The following SPON1 variants were observed in gnomAD, a reference collection of about 807,000 sequenced individuals.
The protein encoded by SPON1 is spondin 1.
Under a neutral mutation model 111.7 loss-of-function variants are expected in SPON1, and 52 were observed. The observed-to-expected ratio is 0.47, with a 90% CI of 0.37 to 0.59. SPON1 has a LOEUF of 0.59. Among genes scored for constraint, SPON1 ranks in the 20% least tolerant of loss-of-function variants. The pLI, the probability that SPON1 is intolerant of heterozygous loss-of-function variation, is 0.00. For synonymous variants in SPON1, 410 were observed against 395.8 expected, an observed-to-expected ratio of 1.04 and a Z score of -0.43; for missense variants, 957 against 1,068.5, an observed-to-expected ratio of 0.90 and a Z score of 1.46.
intron 1 of SPON1, among the ~76,000 whole-genome samples, chr11:13,971,091 A>G (rs377113317): frequency 2.0e-5 from 3 of 152,332 alleles, no homozygotes; most frequent in South Asian, 4.1e-4. Flanking sequence ...TCTCTCAGCC[A>G]GAGAGAAAGG....
intron 5 of SPON1, among the ~76,000 whole-genome samples, chr11:14,089,970 C>T (rs1279643900): frequency 6.6e-6 from 1 of 152,126 alleles, no homozygotes; most frequent in Non-Finnish European, 1.5e-5. Context: ...CTTACTCAAG[C>T]CTCAGAAATG....
At position 14,160,611 on chromosome 11, in the gene SPON1, ATATATT is replaced by A. The variant is rs1424410624; in HGVS notation, c.825+25049_825+25054del. Among the ~76,000 whole-genome samples, 7 of 33,180 alleles carry A rather than the reference ATATATT, an allele frequency of 2.1e-4. 1 individual carries two copies. Among genetic ancestry groups the A allele is most frequent in the African/African-American group, 7.4e-4 (7 of 9,402 alleles). 21.8% of individuals were successfully genotyped at this position (33,180 alleles called of 152,430 possible). A position where few individuals can be genotyped will look rare whatever the true frequency, so the allele number is the denominator to read the frequency against. ...CATATATATATTTATATATATTTAT[ATATATT>A]TATATATATATTTATATATATTTAC... is the stretch of plus-strand genomic sequence containing the variant. On this transcript the variant is annotated intron_variant, in intron 6 of 15. Transcript: ENST00000576479.
intron 6 of SPON1, among the ~76,000 whole-genome samples, chr11:14,218,970 G>T (rs1254972706): frequency 6.6e-6 from 1 of 152,188 alleles, no homozygotes; most frequent in Non-Finnish European, 1.5e-5. Context: ...GCACTCAGTA[G>T]GATAGATGGG....
At chr11:14,184,867 A>G (rs1848269912) in intron 6 of SPON1, among the ~76,000 whole-genome samples, 1 of 152,186 alleles carries the variant, frequency 6.6e-6, no homozygotes, top group South Asian at 2.1e-4. Flanking sequence ...GCAAGTAGCT[A>G]CAAACTTGTC....
chr11:14,105,390 T>C (rs1227362947), intron 5 of SPON1, among the ~76,000 whole-genome samples: 1 of 152,174 alleles, frequency 6.6e-6, no homozygotes, highest in Non-Finnish European at 1.5e-5. Context: ...TAGTTACCTG[T>C]AGCATCCAAT....
chr11:14,140,775 T>C (rs1847644785), intron 6 of SPON1, among the ~76,000 whole-genome samples: 1 of 152,090 alleles, frequency 6.6e-6, no homozygotes, highest in South Asian at 2.1e-4. Flanking sequence ...AGTGACTTTG[T>C]ATTTTCTTCT....
chr11:14,172,298 G>A (rs1162469968), intron 6 of SPON1, among the ~76,000 whole-genome samples: 11 of 151,746 alleles, frequency 7.2e-5, no homozygotes, highest in Non-Finnish European at 1.6e-4. Flanking sequence ...TGTTTTATCC[G>A]ATACTAGGGT....
At chr11:14,160,441 A>T (rs1472743627) in intron 6 of SPON1, among the ~76,000 whole-genome samples, 5 of 17,556 alleles carry the variant, frequency 2.8e-4, no homozygotes, top group Non-Finnish European at 3.4e-4. Context: ...TTATATATAT[A>T]TTTATATATA....
chr11:14,124,287 T>C (rs1348224853), intron 5 of SPON1, among the ~76,000 whole-genome samples: 16 of 152,162 alleles, frequency 1.1e-4, no homozygotes, highest in African/African-American at 3.6e-4. Context: ...TATTATTTTG[T>C]CTACAAAAAT....
intron 6 of SPON1, among the ~76,000 whole-genome samples, chr11:14,136,757 G>A (rs550719125): frequency 5.9e-5 from 9 of 152,304 alleles, no homozygotes; most frequent in Non-Finnish European, 8.8e-5. Flanking sequence ...AAAGATGTTT[G>A]ACCAGATGTT....
At chr11:14,261,873 T>C (rs894967913) in intron 14 of SPON1, among the ~76,000 whole-genome samples, 1 of 152,132 alleles carries the variant, frequency 6.6e-6, no homozygotes, top group East Asian at 1.9e-4. Context: ...TGATCCCCAT[T>C]TTGCAGATAA....
chr11:14,067,229 C>T (rs1345894230), intron 3 of SPON1, among the ~76,000 whole-genome samples: 1 of 152,056 alleles, frequency 6.6e-6, no homozygotes, highest in East Asian at 1.9e-4. Flanking sequence ...AGTGGTGCAA[C>T]CTTGTGGCCT....
At chr11:14,049,434 C>G (rs560031587) in intron 3 of SPON1, among the ~76,000 whole-genome samples, 9 of 152,276 alleles carry the variant, frequency 5.9e-5, no homozygotes, top group African/African-American at 2.2e-4. Flanking sequence ...CACCACTTAC[C>G]TAACACTTGA....
At chr11:14,179,536 T>C (rs1310263846) in intron 6 of SPON1, among the ~76,000 whole-genome samples, 2 of 151,796 alleles carry the variant, frequency 1.3e-5, no homozygotes, top group Admixed American at 1.3e-4. Flanking sequence ...GGAGTGAGGG[T>C]GGGGGTTGAA....
At chr11:14,218,219 G>A (rs1848644851) in intron 6 of SPON1, among the ~76,000 whole-genome samples, 1 of 152,148 alleles carries the variant, frequency 6.6e-6, no homozygotes, top group Non-Finnish European at 1.5e-5. Flanking sequence ...CTTACAAGGA[G>A]ATAGGCGACC....
chr11:14,034,067 C>T (rs1229637984), intron 2 of SPON1, among the ~76,000 whole-genome samples: 1 of 152,140 alleles, frequency 6.6e-6, no homozygotes, highest in African/African-American at 2.4e-5. Flanking sequence ...ATCCAAGCTA[C>T]TCAGGAGGCT....
intron 2 of SPON1, among the ~76,000 whole-genome samples, chr11:14,027,419 C>T (rs1178847016): frequency 3.3e-5 from 5 of 152,202 alleles, no homozygotes; most frequent in African/African-American, 1.2e-4. Flanking sequence ...CTCTGAGCTT[C>T]AGTTGCTTCT....
At chr11:14,196,232 T>C (rs782391212) in intron 6 of SPON1, among the ~76,000 whole-genome samples, 11 of 152,112 alleles carry the variant, frequency 7.2e-5, no homozygotes, top group Non-Finnish European at 1.6e-4. Flanking sequence ...TTAGGCCTGA[T>C]ATAGAACAGG....
At chr11:14,182,758 C>T (rs1252710543) in intron 6 of SPON1, among the ~76,000 whole-genome samples, 1 of 152,168 alleles carries the variant, frequency 6.6e-6, no homozygotes, top group Admixed American at 6.5e-5. Flanking sequence ...TATAGACTAT[C>T]AGTGACCCTG....
Sources: gnomAD v4.1 joint callset for allele counts (sites outside exome capture counted in the v4.1 genomes callset) on GRCh38, gnomAD v4.1.1 for gene constraint, MANE v1.5 for transcripts, NCBI Gene and HGNC (gene_info 2026-07-23, HGNC 2026-07-21) for gene names.